The following BMPR1B variants were observed in gnomAD, a reference collection of about 807,000 sequenced individuals.
The protein encoded by BMPR1B is bone morphogenetic protein receptor type 1B, also known as bone morphogenetic protein receptor type-1B.
A neutral mutation model predicts 59.1 loss-of-function variants in BMPR1B; 12 were observed. The ratio of observed to expected loss-of-function variants is 0.20; its 90% CI spans 0.13 to 0.33. BMPR1B has a LOEUF of 0.33. Among genes scored for constraint, BMPR1B ranks in the 10% least tolerant of loss-of-function variants. BMPR1B has a pLI of 1.00. For missense variants in BMPR1B, 550 were observed against 610.9 expected (o/e 0.90, Z 1.05); for synonymous variants, 237 against 207.3 (o/e 1.14, Z -1.23).
At chr4:94,997,385 A>G (rs1368944744) in intron 3 of BMPR1B, among the ~76,000 whole-genome samples, 2 of 152,242 alleles carry the variant, frequency 1.3e-5, no homozygotes, top group African/African-American at 4.8e-5. Flanking sequence ...ATTCTAAAAT[A>G]GGATAAGCCA....
intron 10 of BMPR1B, among the ~76,000 whole-genome samples, chr4:95,143,714 G>A (rs1734422963): frequency 6.6e-6 from 1 of 152,162 alleles, no homozygotes; most frequent in Non-Finnish European, 1.5e-5. Flanking sequence ...CTAGCTGAGA[G>A]CAGCCCTGCA....
At chr4:94,869,560 A>G (rs1013644268) in intron 1 of BMPR1B, among the ~76,000 whole-genome samples, 4 of 152,208 alleles carry the variant, frequency 2.6e-5, no homozygotes, top group Non-Finnish European at 4.4e-5. Context: ...CTTCATCCCA[A>G]TAGTATTCCT....
intron 3 of BMPR1B, among the ~76,000 whole-genome samples, chr4:95,102,507 T>C (rs943326056): frequency 6.6e-6 from 1 of 152,194 alleles, no homozygotes; most frequent in Non-Finnish European, 1.5e-5. Context: ...CAGGAAGTAA[T>C]AAATTTTAAA....
intron 12 of BMPR1B, 119 bp downstream of exon 12, chr4:95,152,892 C>G: frequency 8.1e-7 from 1 of 1,231,822 alleles, no homozygotes; most frequent in East Asian, 2.6e-5. Context: ...ATGGTGATGG[C>G]GCCTCATTGC....
chr4:94,915,012 A>G (rs749790310), intron 2 of BMPR1B, among the ~76,000 whole-genome samples: 22 of 152,150 alleles, frequency 1.4e-4, no homozygotes, highest in Admixed American at 2.6e-4. Context: ...ATCATTCAGA[A>G]TTTGCAGGTT....
chr4:94,763,231 G>A (rs909759049), intron 1 of BMPR1B, among the ~76,000 whole-genome samples: 1 of 152,178 alleles, frequency 6.6e-6, no homozygotes, highest in Non-Finnish European at 1.5e-5. Context: ...CCTCTAATTA[G>A]GTCTGAGTGT....
intron 4 of BMPR1B, 58 bp downstream of exon 4, chr4:95,104,625 A>C: frequency 1.9e-6 from 3 of 1,593,096 alleles, no homozygotes; most frequent in South Asian, 2.2e-5. Context: ...TTTTTCAACT[A>C]TGCAACTGTA....
Position 94,839,904 on chromosome 4 carries a change from G to A in BMPR1B, c.-182-35927G>A, listed in dbSNP as rs539330301. Among the ~76,000 whole-genome samples, 47 of 151,914 alleles carry A rather than the reference G, an allele frequency of 3.1e-4. 1 individual carries two copies. Among genetic ancestry groups the A allele is most frequent in the Middle Eastern group, 6.8e-3 (2 of 294 alleles). Reference sequence around the variant, plus strand: ...GATTTTGCAGTGGCTGGTACCGGTTGTTCCTTTCCATGTTTAGTGCTTCCT... The same window carrying A: ...GATTTTGCAGTGGCTGGTACCGGTTATTCCTTTCCATGTTTAGTGCTTCCT... On this transcript the variant is annotated intron_variant, in intron 1 of 12. Transcript: ENST00000515059.
intron 1 of BMPR1B, 143 bp from the exon 2 acceptor site, chr4:94,875,688 G>C (rs1726699462): frequency 1.3e-5 from 2 of 152,496 alleles, no homozygotes; most frequent in Non-Finnish European, 2.9e-5. Context: ...CATCTCAAAA[G>C]AAAAAAACGG....
intron 3 of BMPR1B, among the ~76,000 whole-genome samples, chr4:95,063,008 T>C (rs192590152): frequency 7.7e-4 from 117 of 152,278 alleles, no homozygotes; most frequent in African/African-American, 2.6e-3. Flanking sequence ...ATATTATCTA[T>C]TGACATTTTA....
intron 3 of BMPR1B, among the ~76,000 whole-genome samples, chr4:95,054,774 G>T (rs536602832): frequency 1.3e-5 from 2 of 152,120 alleles, no homozygotes; most frequent in Non-Finnish European, 2.9e-5. Flanking sequence ...AAGTTATAAA[G>T]ATGGTAGACT....
At chr4:95,077,390 A>T (rs1335866882) in intron 3 of BMPR1B, among the ~76,000 whole-genome samples, 1 of 152,130 alleles carries the variant, frequency 6.6e-6, no homozygotes, top group Non-Finnish European at 1.5e-5. Flanking sequence ...CTCCGTTAAG[A>T]GTTATATGAA....
At chr4:94,794,441 G>A (rs1723107108) in intron 1 of BMPR1B, among the ~76,000 whole-genome samples, 1 of 148,550 alleles carries the variant, frequency 6.7e-6, no homozygotes, top group South Asian at 2.2e-4. Context: ...ATAGTTTGAA[G>A]TCAGGTAGTG....
At chr4:94,782,733 C>T (rs534234043) in intron 1 of BMPR1B, among the ~76,000 whole-genome samples, 165 of 152,190 alleles carry the variant, frequency 1.1e-3, no homozygotes, top group Non-Finnish European at 1.6e-3. Flanking sequence ...TCCTTTATTT[C>T]TTTGAGCATA....
At chr4:95,006,684 G>GGC (rs537882533) in intron 3 of BMPR1B, among the ~76,000 whole-genome samples, 229 of 151,666 alleles carry the variant, frequency 1.5e-3, no homozygotes, top group African/African-American at 5.2e-3. Flanking sequence ...TGGGATTACA[G>GGC]GCGCACCACC....
chr4:94,960,242 A>G (rs777020985), intron 2 of BMPR1B, among the ~76,000 whole-genome samples: 3 of 152,176 alleles, frequency 2.0e-5, no homozygotes, highest in Non-Finnish European at 2.9e-5. Flanking sequence ...TCTGTGAAAC[A>G]TCTCCTTGGT....
chr4:94,774,915 C>T (rs1009837314), intron 1 of BMPR1B, among the ~76,000 whole-genome samples: 25 of 151,880 alleles, frequency 1.6e-4, no homozygotes, highest in African/African-American at 2.2e-4. Context: ...TTCATAATGG[C>T]GGAAATTTTC....
At chr4:95,082,050 G>A (rs1729185994) in intron 3 of BMPR1B, among the ~76,000 whole-genome samples, 1 of 151,428 alleles carries the variant, frequency 6.6e-6, no homozygotes, top group Admixed American at 6.6e-5. Flanking sequence ...AGTTACATAT[G>A]TATATATGTG....
intron 1 of BMPR1B, among the ~76,000 whole-genome samples, chr4:94,827,655 T>C (rs1560503389): frequency 6.6e-6 from 1 of 152,220 alleles, no homozygotes. Flanking sequence ...TGATTCATTC[T>C]TGCTGTTTTT....
Sources: allele counts gnomAD v4.1 joint callset (sites outside exome capture counted in the v4.1 genomes callset), GRCh38; gene constraint gnomAD v4.1.1; transcripts MANE v1.5; gene names NCBI Gene and HGNC (gene_info 2026-07-23, HGNC 2026-07-21).